SULF1: variants seen among roughly 807,000 people sequenced by gnomAD.
SULF1 encodes the protein sulfatase 1, also known as extracellular sulfatase Sulf-1.
In SULF1, 46 loss-of-function variants were observed where a neutral mutation model predicts 110.5. That is an observed-to-expected ratio of 0.42 (90% confidence interval 0.33 to 0.53). SULF1 has a LOEUF of 0.53. SULF1 is among the 20% of genes least tolerant of loss of function. The pLI is 0.12. For synonymous variants in SULF1, 371 were observed against 387.1 expected, an observed-to-expected ratio of 0.96 and a Z score of 0.49; for missense variants, 941 against 1,094.2, an observed-to-expected ratio of 0.86 and a Z score of 1.98.
At chr8:69,528,195 A>G (rs1035210059) in intron 3 of SULF1, among the ~76,000 whole-genome samples, 1 of 152,114 alleles carries the variant, frequency 6.6e-6, no homozygotes, top group African/African-American at 2.4e-5. Flanking sequence ...ATTTTGATGA[A>G]ACCACCTGCT....
intron 3 of SULF1, among the ~76,000 whole-genome samples, chr8:69,538,345 C>T (rs1177532937): frequency 6.9e-6 from 1 of 145,426 alleles, no homozygotes; most frequent in Admixed American, 7.0e-5. Flanking sequence ...CTATGCAATG[C>T]CATGAACATT....
chr8:69,616,925 G>A (rs1368585570), intron 13 of SULF1, among the ~76,000 whole-genome samples: 1 of 151,938 alleles, frequency 6.6e-6, no homozygotes, highest in African/African-American at 2.4e-5. Context: ...ACTTGGCTGT[G>A]GATTGTGAAT....
chr8:69,650,448 C>A (rs1812245430), intron 22 of SULF1, among the ~76,000 whole-genome samples: 1 of 152,106 alleles, frequency 6.6e-6, no homozygotes, highest in Admixed American at 6.5e-5. Flanking sequence ...CCGGCCTGAG[C>A]AGCATAGCAA....
chr8:69,537,059 T>C (rs1044665561), intron 3 of SULF1, among the ~76,000 whole-genome samples: 1 of 152,208 alleles, frequency 6.6e-6, no homozygotes, highest in Non-Finnish European at 1.5e-5. Flanking sequence ...ACTTAATGCA[T>C]GGTTCCTGGC....
At chr8:69,616,426 G>C (rs920347546) in intron 13 of SULF1, among the ~76,000 whole-genome samples, 1 of 151,638 alleles carries the variant, frequency 6.6e-6, no homozygotes, top group Non-Finnish European at 1.5e-5. Context: ...TTTGGAAACA[G>C]AATCTTGCTC....
intron 5 of SULF1, among the ~76,000 whole-genome samples, chr8:69,564,992 C>A (rs1815763136): frequency 6.6e-6 from 1 of 152,230 alleles, no homozygotes; most frequent in Non-Finnish European, 1.5e-5. Context: ...GTAGTTGAAT[C>A]TTCTAGCAGA....
intron 2 of SULF1, among the ~76,000 whole-genome samples, chr8:69,498,595 C>T (rs542644020): frequency 6.6e-6 from 1 of 152,262 alleles, no homozygotes; most frequent in East Asian, 1.9e-4. Context: ...CTAAGTACCA[C>T]ACTATGTGGC....
At chr8:69,481,432 T>C (rs951824429) in intron 1 of SULF1, among the ~76,000 whole-genome samples, 1 of 152,186 alleles carries the variant, frequency 6.6e-6, no homozygotes, top group Non-Finnish European at 1.5e-5. Flanking sequence ...ACTTTGTTCA[T>C]ACTATTTTCC....
chr8:69,532,395 A>T (rs78113422), intron 3 of SULF1, among the ~76,000 whole-genome samples: 1 of 152,096 alleles, frequency 6.6e-6, no homozygotes, highest in Admixed American at 6.5e-5. Context: ...TTTTAAAGGA[A>T]CTGGACAACA....
chr8:69,626,568 G>C (rs555912706), intron 15 of SULF1, among the ~76,000 whole-genome samples: 1 of 152,248 alleles, frequency 6.6e-6, no homozygotes, highest in Admixed American at 6.5e-5. Context: ...GGCTGCACAG[G>C]AGCCCATGGA....
intron 1 of SULF1, among the ~76,000 whole-genome samples, chr8:69,474,181 G>C (rs1429713288): frequency 6.6e-6 from 1 of 152,118 alleles, no homozygotes; most frequent in African/African-American, 2.4e-5. Flanking sequence ...TAAAACTAAA[G>C]GTTACACAAT....
intron 3 of SULF1, among the ~76,000 whole-genome samples, chr8:69,526,113 A>G (rs1167434947): frequency 1.3e-5 from 2 of 152,138 alleles, no homozygotes; most frequent in East Asian, 3.8e-4. Context: ...AATTGCTCAT[A>G]ACCAAATACC....
In SULF1 at chr8:69,502,680, C is replaced by T. The variant is rs868508035; in HGVS notation, c.-134+712C>T. Among the ~76,000 whole-genome samples the T allele has an allele frequency of 5.0e-3, 577 of 116,418 alleles. 3 individuals carry two copies. The highest frequency in any genetic ancestry group is 7.0e-3 in the Non-Finnish European group (381 of 54,472). 76.4% of individuals were successfully genotyped at this position (116,418 alleles called of 152,430 possible). ...TTGATTTTTTTTTTCTTTTCTTTTT[C>T]TTTTTTTTTCTTTTTTTTTTTTTTT... On this transcript the variant is annotated intron_variant, in intron 3 of 22. Transcript: ENST00000402687.
intron 8 of SULF1, among the ~76,000 whole-genome samples, chr8:69,598,553 A>AGC (rs1435379736): frequency 6.6e-6 from 1 of 151,928 alleles, no homozygotes; most frequent in African/African-American, 2.4e-5. Context: ...CACCATGCCC[A>AGC]GCTAATTTTT....
chr8:69,647,353 A>G (rs1408623775), intron 22 of SULF1, among the ~76,000 whole-genome samples: 1 of 152,200 alleles, frequency 6.6e-6, no homozygotes, highest in Admixed American at 6.5e-5. Context: ...GCATTTACCA[A>G]TAAGTAGATA....
intron 3 of SULF1, among the ~76,000 whole-genome samples, chr8:69,534,037 A>T (rs1319267544): frequency 6.6e-6 from 1 of 152,214 alleles, no homozygotes; most frequent in East Asian, 1.9e-4. Flanking sequence ...AAAAAACATG[A>T]TATGGAATGG....
chr8:69,473,057 C>T (rs1201344504), intron 1 of SULF1, among the ~76,000 whole-genome samples: 1 of 151,928 alleles, frequency 6.6e-6, no homozygotes, highest in Non-Finnish European at 1.5e-5. Context: ...CCAGGCTGGT[C>T]TCAAACTCTT....
At chr8:69,640,963 T>C (rs1811430077) in intron 22 of SULF1, 122 bp downstream of exon 22, 1 of 793,608 alleles carries the variant, frequency 1.3e-6, no homozygotes, top group Admixed American at 3.2e-5. Flanking sequence ...TGCATGCTTG[T>C]TCTAACAGCA....
At chr8:69,649,523 G>A (rs181839965) in intron 22 of SULF1, among the ~76,000 whole-genome samples, 92 of 152,138 alleles carry the variant, frequency 6.0e-4, no homozygotes, top group Admixed American at 3.1e-3. Flanking sequence ...TTCTGGCCTG[G>A]GATCCAATCC....
Sources: gnomAD v4.1 joint callset for allele counts (sites outside exome capture counted in the v4.1 genomes callset) on GRCh38, gnomAD v4.1.1 for gene constraint, MANE v1.5 for transcripts, NCBI Gene and HGNC (gene_info 2026-07-23, HGNC 2026-07-21) for gene names.